VPS13C: variants seen among roughly 807,000 people sequenced by gnomAD.
The protein encoded by VPS13C is vacuolar protein sorting 13 homolog C.
VPS13C carries 358 observed loss-of-function variants against 456.8 expected under a neutral mutation model. The ratio of observed to expected loss-of-function variants is 0.78; its 90% CI spans 0.72 to 0.86. The LOEUF (loss-of-function observed/expected upper bound fraction) is 0.86, where lower values mean the gene tolerates loss of function less well. VPS13C is among the 40% of genes least tolerant of loss of function. VPS13C has a pLI of 0.00. For missense variants in VPS13C, 4,818 were observed against 4,385.4 expected, an observed-to-expected ratio of 1.10 and a Z score of -2.79; for synonymous variants, 1,578 against 1,486.7, an observed-to-expected ratio of 1.06 and a Z score of -1.41.
At chr15:61,866,606 G>C (rs748242930) in intron 81 of VPS13C, 20 of 985,090 alleles carry the variant, frequency 2.0e-5, no homozygotes, top group Non-Finnish European at 2.4e-5. Context: ...CTAGAAAACT[G>C]CATGTGGTGA....
intron 66 of VPS13C, among the ~76,000 whole-genome samples, chr15:61,893,697 CAA>C (rs749446720): frequency 1.3e-4 from 19 of 150,806 alleles, no homozygotes; most frequent in Non-Finnish European, 2.7e-4. Context: ...ATAGGCAATA[CAA>C]AAAAGATATA....
In VPS13C at chr15:61,866,791, A is replaced by G. The variant is rs1278150902; in HGVS notation, c.10863+1868T>C. Reference sequence around the variant, plus strand: ...CTTCTTTAAAGTGGTTAAACATAAAACATTCAATTTATTATTTTGATAACT... The same window carrying G: ...CTTCTTTAAAGTGGTTAAACATAAAGCATTCAATTTATTATTTTGATAACT... On this transcript the variant is annotated intron_variant, in intron 81 of 84. Transcript: ENST00000644861. The G allele has an allele frequency of 1.4e-5, 14 of 981,318 alleles. No individual in the cohort carries two copies. The East Asian group carries it at 1.4e-3, about 96-fold the overall frequency. The allele number at this position is 981,318 out of a possible 1,614,324, so 60.8% of individuals were successfully genotyped here.
At chr15:61,982,309 G>C in intron 21 of VPS13C, 150 bp downstream of exon 21, 1 of 468,270 alleles carries the variant, frequency 2.1e-6, no homozygotes, top group Non-Finnish European at 3.6e-6. Flanking sequence ...ATTTGATTTT[G>C]AGAAAGCCAT....
intron 48 of VPS13C, among the ~76,000 whole-genome samples, chr15:61,934,781 C>T (rs1397169134): frequency 3.9e-5 from 6 of 152,086 alleles, no homozygotes; most frequent in Non-Finnish European, 5.9e-5. Flanking sequence ...GACAGAGTCT[C>T]GCTGTGTTGC....
At chr15:62,016,750 A>G (rs1157771034) in intron 9 of VPS13C, among the ~76,000 whole-genome samples, 1 of 152,170 alleles carries the variant, frequency 6.6e-6, no homozygotes, top group Non-Finnish European at 1.5e-5. Context: ...ATGTGTCTTT[A>G]GAGCAGCATG....
chr15:61,878,642 A>G lies in VPS13C; in HGVS notation c.10107T>C (p.Gly3369=), dbSNP rs1450543496. The G allele has an allele frequency of 6.2e-7, 1 of 1,611,548 alleles. No homozygotes were observed. Among genetic ancestry groups the G allele is most frequent in the Admixed American group, 1.7e-5 (1 of 59,740 alleles). Residue 3369 remains glycine, a synonymous_variant, in exon 74 of 85, where the codon GGT becomes GGC. Coordinates refer to ENST00000644861, the MANE Select transcript of VPS13C (RefSeq NM_020821.3). ...HSVNLLLKSI[G]ATLTDVDDLI... Reference sequence around the variant, plus strand: ...GGTCATCCACATCAGTCAGAGTAGCACCTATGCTTTTCAACAGCAAGTTGA... The same window carrying G: ...GGTCATCCACATCAGTCAGAGTAGCGCCTATGCTTTTCAACAGCAAGTTGA...
At chr15:61,960,897 G>A (rs891423012) in intron 35 of VPS13C, among the ~76,000 whole-genome samples, 5 of 152,028 alleles carry the variant, frequency 3.3e-5, no homozygotes, top group African/African-American at 1.2e-4. Context: ...CCAACATGGT[G>A]AAACCCCATC....
intron 49 of VPS13C, among the ~76,000 whole-genome samples, chr15:61,932,802 T>C (rs2044105334): frequency 6.6e-6 from 1 of 152,234 alleles, no homozygotes; most frequent in African/African-American, 2.4e-5. Context: ...TTAATAGCAA[T>C]GACCTGAGAC....
At chr15:61,945,618 C>T (rs1029298488) in intron 45 of VPS13C, 97 bp downstream of exon 45, 1 of 934,964 alleles carries the variant, frequency 1.1e-6, no homozygotes, top group East Asian at 2.6e-5. Flanking sequence ...GCTCATCACA[C>T]AGCCTTATCA....
chr15:62,040,017 C>T (rs889257895), intron 3 of VPS13C, among the ~76,000 whole-genome samples: 2 of 152,098 alleles, frequency 1.3e-5, no homozygotes, highest in Admixed American at 1.3e-4. Context: ...CAATGGAGTA[C>T]TATTCAGCCA....
At chr15:61,861,183 G>A (rs1894207930) in intron 82 of VPS13C, among the ~76,000 whole-genome samples, 1 of 151,634 alleles carries the variant, frequency 6.6e-6, no homozygotes, top group Non-Finnish European at 1.5e-5. Context: ...GGCTGGTCTC[G>A]AACTCCCAAC....
At chr15:61,992,419 T>C (rs2046251095) in intron 16 of VPS13C, among the ~76,000 whole-genome samples, 1 of 152,180 alleles carries the variant, frequency 6.6e-6, no homozygotes, top group Non-Finnish European at 1.5e-5. Context: ...ATAAGTAATT[T>C]AGATTATATG....
At position 62,060,419 on chromosome 15, in the gene VPS13C, G is replaced by A. The variant is rs753238590; in HGVS notation, c.-45C>T. On this transcript the variant is annotated 5_prime_UTR_variant, in exon 1 of 85. Transcript: ENST00000644861. ...GAGAGGGAGGAGCCGGAACCGCCCG[G>A]CGCAGCTGAGGGCTGCGACCAGCGC... The A allele has an allele frequency of 5.8e-6, 6 of 1,030,674 alleles. No individual in the cohort carries two copies. The highest frequency in any genetic ancestry group is 8.8e-6 in the Non-Finnish European group (6 of 685,030). 63.8% of individuals were successfully genotyped at this position (1,030,674 alleles called of 1,614,324 possible).
At chr15:62,060,160 G>T in intron 1 of VPS13C, 115 bp downstream of exon 1, 1 of 502,280 alleles carries the variant, frequency 2.0e-6, no homozygotes, top group Non-Finnish European at 3.6e-6. Context: ...CTGCCGCACC[G>T]GGATGGGGAG....
rs12899801 is a variant in VPS13C at position 61,954,665 on chromosome 15, G to A, written c.4166-111C>T. 562,760 of 1,064,756 alleles carry A rather than the reference G, an allele frequency of 0.53. 151,587 individuals are homozygous for A. Among genetic ancestry groups the A allele is most frequent in the Middle Eastern group, 0.68 (2,173 of 3,196 alleles). The allele number at this position is 1,064,756 out of a possible 1,614,324, so 66.0% of individuals were successfully genotyped here. A position where few individuals can be genotyped will look rare whatever the true frequency, so the allele number is the denominator to read the frequency against. On this transcript the variant is annotated intron_variant, in intron 37 of 84. Coordinates refer to ENST00000644861, the MANE Select transcript of VPS13C (RefSeq NM_020821.3). The stretch of plus-strand genomic sequence containing the variant: ...CCTGGTAGAGGCAATGAAAATCCAC[G>A]AATTAGTAACAGCGCTAGCCCTTGG...
intron 61 of VPS13C, 107 bp from the exon 62 acceptor site, chr15:61,913,522 C>T: frequency 1.1e-6 from 1 of 882,488 alleles, no homozygotes; most frequent in Non-Finnish European, 1.8e-6. Context: ...TACCGTGGGA[C>T]ACAGAAATAT....
intron 6 of VPS13C, among the ~76,000 whole-genome samples, chr15:62,025,501 C>A (rs1040184997): frequency 6.6e-6 from 1 of 152,040 alleles, no homozygotes; most frequent in African/African-American, 2.4e-5. Flanking sequence ...CCCTGAAAAC[C>A]ATTCCACTTG....
At chr15:62,028,803 T>C (rs539800843) in intron 5 of VPS13C, among the ~76,000 whole-genome samples, 12 of 152,236 alleles carry the variant, frequency 7.9e-5, no homozygotes, top group African/African-American at 2.9e-4. Context: ...ACTGTGATAT[T>C]TGACGCTAAT....
chr15:61,942,819 T>C (rs898654838), intron 45 of VPS13C, among the ~76,000 whole-genome samples: 6 of 152,052 alleles, frequency 3.9e-5, no homozygotes. Flanking sequence ...ATGGTTTAAG[T>C]AGAAATGCAT....
Sources: allele counts gnomAD v4.1 joint callset (sites outside exome capture counted in the v4.1 genomes callset), GRCh38; gene constraint gnomAD v4.1.1; transcripts MANE v1.5; gene names NCBI Gene and HGNC (gene_info 2026-07-23, HGNC 2026-07-21).